Variants in NALCN observed in about 807,000 individuals in gnomAD.
The protein encoded by NALCN is sodium leak channel, non-selective.
NALCN carries 111 observed loss-of-function variants against 225.3 expected under a neutral mutation model. The observed-to-expected ratio is 0.49, with a 90% CI of 0.42 to 0.58. The LOEUF (loss-of-function observed/expected upper bound fraction) is 0.58, where lower values mean the gene tolerates loss of function less well. NALCN is among the 20% of genes least tolerant of loss of function. NALCN has a pLI of 0.00. For missense variants in NALCN, 1,378 were observed against 2,202.4 expected, an observed-to-expected ratio of 0.63 and a Z score of 7.49; for synonymous variants, 764 against 769.0, an observed-to-expected ratio of 0.99 and a Z score of 0.11.
intron 14 of NALCN, among the ~76,000 whole-genome samples, chr13:101,181,616 G>T (rs1317729361): frequency 6.6e-6 from 1 of 151,652 alleles, no homozygotes; most frequent in African/African-American, 2.4e-5. Flanking sequence ...GCGCATGCCT[G>T]TGGCCCCAGC....
intron 37 of NALCN, among the ~76,000 whole-genome samples, chr13:101,069,221 A>G (rs2139445004): frequency 6.6e-6 from 1 of 152,374 alleles, no homozygotes; most frequent in Non-Finnish European, 1.5e-5. Context: ...ATTTGGGAAT[A>G]TAGACTCTAC....
chr13:101,252,608 G>A (rs1280936852), intron 11 of NALCN, among the ~76,000 whole-genome samples: 1 of 152,076 alleles, frequency 6.6e-6, no homozygotes, highest in Non-Finnish European at 1.5e-5. Flanking sequence ...AGGGTAAGAG[G>A]AGTTCTAGTT....
chr13:101,400,435 G>C (rs2047434227), intron 1 of NALCN, among the ~76,000 whole-genome samples: 1 of 152,070 alleles, frequency 6.6e-6, no homozygotes, highest in Admixed American at 6.6e-5. Context: ...TTAACATCAG[G>C]CGGGTTCACT....
chr13:101,235,821 T>C (rs1429053057), intron 12 of NALCN, among the ~76,000 whole-genome samples: 3 of 152,218 alleles, frequency 2.0e-5, no homozygotes, highest in Non-Finnish European at 2.9e-5. Context: ...GTGAATTATA[T>C]TTGCATGTCC....
chr13:101,240,501 C>T (rs1333754), intron 11 of NALCN, among the ~76,000 whole-genome samples: 80,293 of 151,726 alleles, frequency 0.53, 21,371 homozygotes, highest in Non-Finnish European at 0.54. Context: ...TAAAGTCTCA[C>T]GATTTTTATA....
intron 15 of NALCN, among the ~76,000 whole-genome samples, chr13:101,154,947 A>C (rs2037832152): frequency 6.6e-6 from 1 of 152,226 alleles, no homozygotes; most frequent in Non-Finnish European, 1.5e-5. Flanking sequence ...GTGTGTTCCC[A>C]GCTTTTTAAG....
At chr13:101,358,090 C>T (rs1447478232) in intron 6 of NALCN, among the ~76,000 whole-genome samples, 1 of 152,092 alleles carries the variant, frequency 6.6e-6, no homozygotes, top group Non-Finnish European at 1.5e-5. Flanking sequence ...TAGAAGAAAA[C>T]TTAGGCAATA....
intron 28 of NALCN, 139 bp from the exon 29 acceptor site, chr13:101,090,105 TGTGC>T: frequency 1.6e-6 from 2 of 1,243,050 alleles, no homozygotes; most frequent in Non-Finnish European, 2.2e-6. Context: ...CACACACACG[TGTGC>T]GTGCACACAC....
chr13:101,168,072 G>A (rs748995470), intron 15 of NALCN, among the ~76,000 whole-genome samples: 6 of 152,194 alleles, frequency 3.9e-5, no homozygotes, highest in African/African-American at 7.2e-5. Flanking sequence ...GTTGAACAAG[G>A]ATCTCTCTTG....
intron 11 of NALCN, among the ~76,000 whole-genome samples, chr13:101,250,584 C>T (rs942913032): frequency 2.0e-5 from 3 of 151,950 alleles, no homozygotes; most frequent in Non-Finnish European, 4.4e-5. Context: ...AAGTCCTTAT[C>T]TCATTCCAAA....
At chr13:101,115,963 A>G (rs778033490) in intron 18 of NALCN, among the ~76,000 whole-genome samples, 2 of 152,162 alleles carry the variant, frequency 1.3e-5, no homozygotes, top group Non-Finnish European at 2.9e-5. Context: ...CTGGTGAAAA[A>G]TAATGAAGTC....
intron 13 of NALCN, among the ~76,000 whole-genome samples, chr13:101,228,250 A>T (rs192939812): frequency 0.012 from 1,797 of 152,306 alleles, 21 homozygotes; most frequent in African/African-American, 0.025. Flanking sequence ...AGGATTTTTA[A>T]AAAAATCCCT....
chr13:101,235,863 C>T (rs2041535928), intron 12 of NALCN, among the ~76,000 whole-genome samples: 2 of 152,074 alleles, frequency 1.3e-5, no homozygotes, highest in African/African-American at 4.8e-5. Flanking sequence ...GTCTAGTTAC[C>T]TGTGATCTGG....
intron 7 of NALCN, among the ~76,000 whole-genome samples, chr13:101,321,784 C>A (rs1194666825): frequency 6.6e-6 from 1 of 151,500 alleles, no homozygotes; most frequent in East Asian, 1.9e-4. Flanking sequence ...ATGTATATAC[C>A]CATATGAAAG....
At position 101,128,852 on chromosome 13, in the gene NALCN, C is replaced by T. The variant is rs1004291324; in HGVS notation, c.2119-4171G>A. ...TGCTGGGATTGTAGGAGTAAGCCAC[C>T]GCACCCAGCCAAGAGAGAGTCTGGA... On this transcript the variant is annotated intron_variant, in intron 17 of 43. Coordinates refer to ENST00000251127, the MANE Select transcript of NALCN (RefSeq NM_052867.4). 6.0e-5 allele frequency among the ~76,000 whole-genome samples: 9 copies of T among 150,282 alleles called. 1 individual carries two copies. The highest frequency in any genetic ancestry group is 4.2e-4 in the South Asian group (2 of 4,792).
At chr13:101,153,057 CT>C (rs551763648) in intron 15 of NALCN, among the ~76,000 whole-genome samples, 5 of 151,262 alleles carry the variant, frequency 3.3e-5, no homozygotes, top group African/African-American at 9.8e-5. Context: ...TAATTTTTCT[CT>C]TTTTTTTAAT....
At chr13:101,218,685 G>C (rs905559004) in intron 13 of NALCN, among the ~76,000 whole-genome samples, 11 of 152,062 alleles carry the variant, frequency 7.2e-5, no homozygotes, top group South Asian at 4.1e-4. Context: ...CATGAAATCA[G>C]GTTGCTTAAA....
intron 7 of NALCN, among the ~76,000 whole-genome samples, chr13:101,330,927 T>G (rs901106301): frequency 5.9e-5 from 9 of 152,208 alleles, no homozygotes; most frequent in Admixed American, 2.6e-4. Flanking sequence ...GTGCCATGAT[T>G]GTGAGGCCTC....
chr13:101,340,813 AC>A (rs2045534506), intron 7 of NALCN, among the ~76,000 whole-genome samples: 1 of 151,996 alleles, frequency 6.6e-6, no homozygotes, highest in South Asian at 2.1e-4. Flanking sequence ...ACTGTTTGTT[AC>A]TTTTCTTTTG....
Sources: gnomAD v4.1 joint callset for allele counts (sites outside exome capture counted in the v4.1 genomes callset) on GRCh38, gnomAD v4.1.1 for gene constraint, MANE v1.5 for transcripts, NCBI Gene and HGNC (gene_info 2026-07-23, HGNC 2026-07-21) for gene names.